KLHL20: variants seen among roughly 807,000 people sequenced by gnomAD.
The protein encoded by KLHL20 is kelch like family member 20, also known as kelch-like protein 20.
In KLHL20, 29 loss-of-function variants were observed where a neutral mutation model predicts 69.5. The observed-to-expected ratio is 0.42, with a 90% CI of 0.31 to 0.57. The LOEUF (loss-of-function observed/expected upper bound fraction) is 0.57, where lower values mean the gene tolerates loss of function less well. Among genes scored for constraint, KLHL20 ranks in the 20% least tolerant of loss-of-function variants. The pLI is 0.18. For synonymous variants in KLHL20, 253 were observed against 265.2 expected, an observed-to-expected ratio of 0.95 and a Z score of 0.45; for missense variants, 419 against 776.0, an observed-to-expected ratio of 0.54 and a Z score of 5.47.
chr1:173,784,028 G>A (rs1008608639), intron 11 of KLHL20, among the ~76,000 whole-genome samples: 2 of 151,668 alleles, frequency 1.3e-5, no homozygotes, highest in African/African-American at 2.4e-5. Flanking sequence ...GCAGTGAGCC[G>A]AGATCACACC....
chr1:173,768,966 CGTA>C (rs1558217764), intron 8 of KLHL20, among the ~76,000 whole-genome samples: 2 of 152,116 alleles, frequency 1.3e-5, no homozygotes, highest in Admixed American at 1.3e-4. Context: ...CTAGCTAACA[CGTA>C]GTAAATAGAA....
intron 3 of KLHL20, among the ~76,000 whole-genome samples, chr1:173,749,915 C>T (rs1673227160): frequency 6.6e-6 from 1 of 152,008 alleles, no homozygotes; most frequent in African/African-American, 2.4e-5. Flanking sequence ...GAGCTAAGCC[C>T]CAAATTTAGC....
chr1:173,729,263 G>C (rs947010371), intron 2 of KLHL20, among the ~76,000 whole-genome samples: 3 of 152,180 alleles, frequency 2.0e-5, no homozygotes, highest in African/African-American at 4.8e-5. Context: ...TCCAGGACCA[G>C]ATGGATTCAC....
At chr1:173,740,139 A>C (rs1197010891) in intron 3 of KLHL20, among the ~76,000 whole-genome samples, 2 of 99,410 alleles carry the variant, frequency 2.0e-5, no homozygotes, top group African/African-American at 4.2e-5. Flanking sequence ...TTTTTTTTTT[A>C]ATGATGGAGT....
rs138616788 is a variant in KLHL20, at chr1:173,777,858, T to C, written c.1638+2016T>C. On this transcript the variant is annotated intron_variant, in intron 10 of 11. Transcript: ENST00000209884. ...TTGCATCATTGTTCATTGAGGATAT[T>C]GGACTGTAGCTTTCTTTTTTTGATG... Among the ~76,000 whole-genome samples the C allele has an allele frequency of 7.7e-3, 1,173 of 152,286 alleles. 13 individuals carry two copies. The highest frequency in any genetic ancestry group is 0.027 in the African/African-American group (1,128 of 41,572).
At chr1:173,765,373 G>A (rs1348752827) in intron 7 of KLHL20, among the ~76,000 whole-genome samples, 1 of 152,054 alleles carries the variant, frequency 6.6e-6, no homozygotes, top group Non-Finnish European at 1.5e-5. Flanking sequence ...TGTGGTGGCG[G>A]GCGCCTGTAG....
At chr1:173,750,341 T>C (rs1434451757) in intron 3 of KLHL20, among the ~76,000 whole-genome samples, 2 of 152,172 alleles carry the variant, frequency 1.3e-5, no homozygotes, top group East Asian at 3.8e-4. Flanking sequence ...GCCTCACCTG[T>C]CTCTCAGGCC....
At chr1:173,779,472 TC>T (rs1322009580) in intron 10 of KLHL20, among the ~76,000 whole-genome samples, 36 of 151,344 alleles carry the variant, frequency 2.4e-4, no homozygotes, top group Admixed American at 1.7e-3. Flanking sequence ...TGCTTCAGCC[TC>T]CCGAGTAGCT....
intron 8 of KLHL20, among the ~76,000 whole-genome samples, chr1:173,770,097 A>C (rs548593880): frequency 1.3e-5 from 2 of 152,282 alleles, no homozygotes; most frequent in South Asian, 4.1e-4. Context: ...TACAAAGTTA[A>C]TATAAGAAGA....
intron 3 of KLHL20, among the ~76,000 whole-genome samples, chr1:173,738,853 A>T (rs540670963): frequency 6.6e-6 from 1 of 152,252 alleles, no homozygotes; most frequent in South Asian, 2.1e-4. Flanking sequence ...CCACTTGATC[A>T]TGGTGGATTA....
At chr1:173,774,200 A>G (rs975575088) in intron 8 of KLHL20, 105 bp from the exon 9 acceptor site, 5 of 1,307,960 alleles carry the variant, frequency 3.8e-6, no homozygotes, top group South Asian at 2.8e-5. Flanking sequence ...ACATTTGACT[A>G]TAGCAAGTCC....
intron 10 of KLHL20, among the ~76,000 whole-genome samples, chr1:173,780,296 AAATGTTTACAGCTAACTATAAT>A (rs1259599266): frequency 6.6e-6 from 1 of 152,234 alleles, no homozygotes; most frequent in Non-Finnish European, 1.5e-5. Context: ...AAGGAAATTG[AAATGTTTACAGCTAACTATAAT>A]AAATAAACCC....
chr1:173,773,852 A>T (rs1442178460), intron 8 of KLHL20, among the ~76,000 whole-genome samples: 2 of 152,046 alleles, frequency 1.3e-5, no homozygotes, highest in African/African-American at 4.8e-5. Flanking sequence ...TCTCTACTAA[A>T]AATACAAAAA....
At chr1:173,726,301 G>C (rs1395896170) in intron 2 of KLHL20, among the ~76,000 whole-genome samples, 5 of 152,068 alleles carry the variant, frequency 3.3e-5, no homozygotes. Context: ...GCCTGCCTCA[G>C]TAGACTCCAC....
chr1:173,758,505 C>T (rs529146255), intron 7 of KLHL20, among the ~76,000 whole-genome samples: 1 of 152,116 alleles, frequency 6.6e-6, no homozygotes, highest in South Asian at 2.1e-4. Context: ...CTGAAGAAAG[C>T]GGACTGCTCC....
chr1:173,761,878 G>C (rs1277311749), intron 7 of KLHL20, among the ~76,000 whole-genome samples: 1 of 152,076 alleles, frequency 6.6e-6, no homozygotes, highest in African/African-American at 2.4e-5. Flanking sequence ...GATCAGAGCA[G>C]AGCAAAATGA....
intron 5 of KLHL20, among the ~76,000 whole-genome samples, chr1:173,753,546 A>C (rs1673402389): frequency 6.6e-6 from 1 of 152,202 alleles, no homozygotes; most frequent in South Asian, 2.1e-4. Context: ...TAGAAGTGGC[A>C]ATAAAAAGGT....
intron 2 of KLHL20, among the ~76,000 whole-genome samples, chr1:173,724,172 A>AT (rs375714592): frequency 0.044 from 5,939 of 134,188 alleles, 378 homozygotes; most frequent in African/African-American, 0.14. Flanking sequence ...TGTTTTGGGG[A>AT]TTTTTTTTTT....
At chr1:173,753,383 T>G in intron 5 of KLHL20, 76 bp downstream of exon 5, 1 of 1,055,244 alleles carries the variant, frequency 9.5e-7, no homozygotes, top group Non-Finnish European at 1.4e-6. Context: ...TTTGTATTGC[T>G]TCCTAAATAT....
Sources: gnomAD v4.1 joint callset for allele counts (sites outside exome capture counted in the v4.1 genomes callset) on GRCh38, gnomAD v4.1.1 for gene constraint, MANE v1.5 for transcripts, NCBI Gene and HGNC (gene_info 2026-07-23, HGNC 2026-07-21) for gene names.